LRP1B: variants seen among roughly 807,000 people sequenced by gnomAD.
LRP1B encodes LDL receptor related protein 1B.
A neutral mutation model predicts 556.6 loss-of-function variants in LRP1B; 217 were observed. The ratio of observed to expected loss-of-function variants is 0.39; its 90% CI spans 0.35 to 0.44. The LOEUF (loss-of-function observed/expected upper bound fraction) is 0.44, where lower values mean the gene tolerates loss of function less well. Ranked by LOEUF, LRP1B falls within the 20% of genes least tolerant of loss-of-function variation. The pLI, the probability that LRP1B is intolerant of heterozygous loss-of-function variation, is 1.00. For synonymous variants in LRP1B, 2,047 were observed against 1,865.8 expected, an observed-to-expected ratio of 1.10 and a Z score of -2.50; for missense variants, 5,053 against 5,620.8, an observed-to-expected ratio of 0.90 and a Z score of 3.23.
intron 21 of LRP1B, among the ~76,000 whole-genome samples, chr2:140,922,196 C>A (rs142466224): frequency 4.6e-5 from 7 of 152,028 alleles, no homozygotes; most frequent in Admixed American, 3.9e-4. Context: ...ATCATTTCAA[C>A]TGGTACCCAG....
intron 60 of LRP1B, among the ~76,000 whole-genome samples, chr2:140,461,587 C>T (rs1687321044): frequency 6.6e-6 from 1 of 152,102 alleles, no homozygotes; most frequent in Admixed American, 6.6e-5. Context: ...GTAATCCCAG[C>T]ATTTTGGGAG....
chr2:141,129,292 C>G (rs1053061928), intron 7 of LRP1B, among the ~76,000 whole-genome samples: 2 of 151,948 alleles, frequency 1.3e-5, no homozygotes, highest in Non-Finnish European at 2.9e-5. Flanking sequence ...AATTAATATA[C>G]GTATTTAATG....
In LRP1B at chr2:140,799,898, G is replaced by A. The variant is rs544892262; in HGVS notation, c.5359+13759C>T. ...CAGGTTCATCTCACTGGGGCTTGTC[G>A]GACAGTGGGTGCAGGACAGTGGGTG... On this transcript the variant is annotated intron_variant, in intron 32 of 90. Transcript: ENST00000389484. Among the ~76,000 whole-genome samples, 53 of 152,050 alleles carry A rather than the reference G, an allele frequency of 3.5e-4. No homozygotes were observed. The South Asian group carries it at 3.5e-3, about 10-fold the overall frequency.
chr2:141,643,631 G>A (rs962470670), intron 2 of LRP1B, among the ~76,000 whole-genome samples: 1 of 152,132 alleles, frequency 6.6e-6, no homozygotes, highest in Non-Finnish European at 1.5e-5. Flanking sequence ...GGAGTTTCCA[G>A]TATTTTGTCC....
At chr2:141,440,766 C>G (rs1680934962) in intron 3 of LRP1B, among the ~76,000 whole-genome samples, 1 of 152,174 alleles carries the variant, frequency 6.6e-6, no homozygotes, top group South Asian at 2.1e-4. Flanking sequence ...TTAAAGAATG[C>G]ACTGGGTCTC....
intron 32 of LRP1B, among the ~76,000 whole-genome samples, chr2:140,812,503 A>T (rs1690963611): frequency 6.6e-6 from 1 of 152,046 alleles, no homozygotes; most frequent in African/African-American, 2.4e-5. Flanking sequence ...AATATTTTTT[A>T]TCTAGAAAAT....
intron 3 of LRP1B, among the ~76,000 whole-genome samples, chr2:141,293,529 T>A (rs1329915010): frequency 2.6e-5 from 4 of 152,140 alleles, no homozygotes; most frequent in East Asian, 3.8e-4. Flanking sequence ...TGTATAGTTA[T>A]CATGCATACA....
At chr2:140,744,906 G>A (rs1688266708) in intron 35 of LRP1B, among the ~76,000 whole-genome samples, 1 of 152,100 alleles carries the variant, frequency 6.6e-6, no homozygotes, top group Non-Finnish European at 1.5e-5. Flanking sequence ...GTAGAATAAT[G>A]TTTGACATAC....
chr2:140,330,396 T>C (rs1006699565), intron 79 of LRP1B, among the ~76,000 whole-genome samples: 2 of 151,650 alleles, frequency 1.3e-5, no homozygotes, highest in African/African-American at 2.4e-5. Flanking sequence ...TGGAACAGAA[T>C]AGAGAGCTCA....
intron 2 of LRP1B, 37 bp downstream of exon 2, chr2:141,810,242 A>G: frequency 6.2e-7 from 1 of 1,605,072 alleles, no homozygotes; most frequent in Non-Finnish European, 8.5e-7. Context: ...TTCACATGTA[A>G]GGTAAATCCG....
chr2:140,566,638 T>C (rs1376794613), intron 43 of LRP1B, among the ~76,000 whole-genome samples: 1 of 152,074 alleles, frequency 6.6e-6, no homozygotes, highest in East Asian at 1.9e-4. Flanking sequence ...AGCCACTCCA[T>C]ATACCCCTCC....
chr2:141,055,214 C>T lies in LRP1B; in HGVS notation c.1454G>A (p.Gly485Asp), dbSNP rs759174095. The T allele has an allele frequency of 2.5e-6, 4 of 1,611,616 alleles. No homozygotes were observed. In the Admixed American group the frequency reaches 5.0e-5, roughly 20 times the overall value. Residue 485 changes from glycine (G) to aspartate (D), a missense_variant, in exon 10 of 91, where the codon GGC becomes GAC. Gly to Asp is a moderately conservative substitution (Grantham distance 94). This residue lies in a region of LRP1B where 3,619 missense variants were observed against 3,931.9 expected (regional missense o/e 0.92). Transcript: ENST00000389484. ...GCTGAGTAGACAGATGTGTGAACAG[C>T]CCCCTGGCATTCCATATGGATCGAC... ...CEVDPYGMPGGCSHICLLSSS... is the reference protein window; with the variant it reads ...CEVDPYGMPGDCSHICLLSSS...
intron 2 of LRP1B, among the ~76,000 whole-genome samples, chr2:141,712,480 G>A (rs72846590): frequency 2.4e-3 from 369 of 151,998 alleles, no homozygotes; most frequent in Non-Finnish European, 4.6e-3. Flanking sequence ...AGTGGCCGTG[G>A]GATCCTGAGC....
At position 140,851,762 on chromosome 2, in the gene LRP1B, T is replaced by C. The variant is rs1692465489; in HGVS notation, c.4601A>G (p.Asn1534Ser). 6.2e-7 allele frequency: 1 copy of C among 1,606,024 alleles called. No individual in the cohort carries two copies. The highest frequency in any genetic ancestry group is 8.5e-7 in the Non-Finnish European group (1 of 1,177,706). The part of the protein sequence containing the change: ...QPQAPNPCAA[N>S]DGKGPCSHMC... ...GTGAGAGCAGGGGCCTTTGCCATCA[T>C]TAGCTGCACAAGGATTGGGAGCTGT... Residue 1534 changes from asparagine to serine, a missense_variant, in exon 28 of 91, where the codon AAT becomes AGT. By Grantham distance (46) the Asn-to-Ser change is conservative. Around this residue, in one of 5 missense-constraint regions of LRP1B, gnomAD observed 3,619 missense variants for 3,931.9 expected, o/e 0.92. Coordinates refer to ENST00000389484, the MANE Select transcript of LRP1B (RefSeq NM_018557.3).
chr2:140,742,315 ATTC>A (rs2104869923), intron 35 of LRP1B, among the ~76,000 whole-genome samples: 1 of 152,288 alleles, frequency 6.6e-6, no homozygotes, highest in East Asian at 1.9e-4. Flanking sequence ...TTTAAGAAAC[ATTC>A]TTCTTCATGT....
chr2:140,350,100 T>TA (rs1194082589), intron 77 of LRP1B, among the ~76,000 whole-genome samples: 1 of 152,084 alleles, frequency 6.6e-6, no homozygotes, highest in African/African-American at 2.4e-5. Context: ...CCAGGCCCTA[T>TA]AAAAACACAT....
At chr2:140,618,730 A>G (rs529260343) in intron 41 of LRP1B, among the ~76,000 whole-genome samples, 2 of 152,064 alleles carry the variant, frequency 1.3e-5, no homozygotes, top group Non-Finnish European at 2.9e-5. Flanking sequence ...TGAGGTCAAG[A>G]GTGTCAGGGA....
chr2:140,892,283 C>A (rs1023706980), intron 23 of LRP1B, among the ~76,000 whole-genome samples: 2 of 151,822 alleles, frequency 1.3e-5, no homozygotes, highest in African/African-American at 4.8e-5. Context: ...CAGAGGTCAC[C>A]GTGGATGAAG....
At position 141,567,173 on chromosome 2, in the gene LRP1B, A is replaced by G. The variant is rs554781347; in HGVS notation, c.206-86640T>C. ...AACAAAACTCCCAAATTCCTTGACT[A>G]TGCAATGGCATCAGATGTCTAAGGA... On this transcript the variant is annotated intron_variant, in intron 2 of 90. Transcript: ENST00000389484. 4.6e-5 allele frequency among the ~76,000 whole-genome samples: 7 copies of G among 152,296 alleles called. No individual in the cohort carries two copies. The East Asian group carries it at 5.8e-4, about 13-fold the overall frequency.
Sources: gnomAD v4.1 joint callset for allele counts (sites outside exome capture counted in the v4.1 genomes callset) on GRCh38, gnomAD v4.1.1 for gene constraint, gnomAD v4.1.1 regional missense constraint, MANE v1.5 for transcripts, NCBI Gene and HGNC (gene_info 2026-07-23, HGNC 2026-07-21) for gene names.